The following TDRD5 variants were observed in gnomAD, a reference collection of about 807,000 sequenced individuals.
The protein encoded by TDRD5 is tudor domain-containing protein 5.
TDRD5 carries 41 observed loss-of-function variants against 120.6 expected under a neutral mutation model. The observed-to-expected ratio is 0.34, with a 90% confidence interval of 0.26 to 0.44. The LOEUF is 0.44. Ranked by LOEUF, TDRD5 falls within the 20% of genes least tolerant of loss-of-function variation. TDRD5 has a pLI of 1.00. For missense variants in TDRD5, 1,006 were observed against 1,221.2 expected, an observed-to-expected ratio of 0.82 and a Z score of 2.63; for synonymous variants, 430 against 433.7, an observed-to-expected ratio of 0.99 and a Z score of 0.11.
chr1:179,627,746 TA>T (rs1221238119), intron 6 of TDRD5, among the ~76,000 whole-genome samples: 1 of 152,158 alleles, frequency 6.6e-6, no homozygotes, highest in Admixed American at 6.5e-5. Context: ...TATACGATAC[TA>T]AAAAAACTGA....
In TDRD5 at chr1:179,690,793, G is replaced by A. The variant is rs200779614; in HGVS notation, c.2958G>A (p.Leu986=). 6.2e-6 allele frequency: 10 copies of A among 1,614,242 alleles called. No individual in the cohort carries two copies. The highest frequency in any genetic ancestry group is 2.7e-5 in the African/African-American group (2 of 75,070). The change falls in exon 18 of 18, where the codon CTG becomes CTA. Residue 986 remains leucine, a synonymous_variant. Coordinates refer to ENST00000444136, the MANE Select transcript of TDRD5 (RefSeq NM_001199085.3). ...KDKRQESVDQ[L]SLILSYECQI... is the part of the protein sequence containing the mutation. The stretch of plus-strand genomic sequence containing the variant: ...AGCGTCAAGAATCTGTAGACCAGCT[G>A]TCTTTGATTTTGTCTTATGAGTGCC...
At chr1:179,596,433 AAAC>A (rs1675394259) in intron 4 of TDRD5, among the ~76,000 whole-genome samples, 1 of 152,224 alleles carries the variant, frequency 6.6e-6, no homozygotes. Flanking sequence ...TCAAAATAAA[AAAC>A]AGAACATTTC....
chr1:179,659,521 A>T (rs1276705356), intron 14 of TDRD5, among the ~76,000 whole-genome samples: 1 of 149,368 alleles, frequency 6.7e-6, no homozygotes, highest in Non-Finnish European at 1.5e-5. Context: ...TACATAATGC[A>T]CTGATATCAG....
intron 17 of TDRD5, 63 bp from the exon 18 acceptor site, chr1:179,690,633 G>T (rs1469387211): frequency 6.4e-7 from 1 of 1,563,234 alleles, no homozygotes; most frequent in Non-Finnish European, 8.7e-7. Flanking sequence ...CTAGAATGGG[G>T]GAGAGGAGGC....
chr1:179,654,630 A>G (rs977242554), intron 14 of TDRD5, among the ~76,000 whole-genome samples: 7 of 152,054 alleles, frequency 4.6e-5, no homozygotes, highest in African/African-American at 1.2e-4. Flanking sequence ...TTAGCCAGCC[A>G]TAGTGGCATG....
intron 14 of TDRD5, 57 bp downstream of exon 14, chr1:179,654,419 T>TCA: frequency 7.0e-7 from 1 of 1,431,980 alleles, no homozygotes; most frequent in East Asian, 2.5e-5. Flanking sequence ...ACTGAATTCA[T>TCA]AAGTGAAGAG....
At chr1:179,625,130 CAAA>C (rs1335101585) in intron 6 of TDRD5, among the ~76,000 whole-genome samples, 3 of 120,724 alleles carry the variant, frequency 2.5e-5, no homozygotes, top group African/African-American at 3.0e-5. Flanking sequence ...CAACTGAATA[CAAA>C]AAAAAAAAAA....
chr1:179,684,321 G>T (rs1338058081), intron 17 of TDRD5, among the ~76,000 whole-genome samples: 1 of 152,142 alleles, frequency 6.6e-6, no homozygotes, highest in African/African-American at 2.4e-5. Context: ...CCTTGCAATA[G>T]TTTGCTCAGA....
At chr1:179,615,285 TTTGTTGAA>T (rs2101957218) in intron 4 of TDRD5, among the ~76,000 whole-genome samples, 1 of 152,018 alleles carries the variant, frequency 6.6e-6, no homozygotes, top group South Asian at 2.1e-4. Context: ...TCAATACCTA[TTTGTTGAA>T]TGAGTAAGTG....
chr1:179,596,040 G>A lies in TDRD5; in HGVS notation c.831+222G>A, dbSNP rs551125671. On this transcript the variant is annotated intron_variant, in intron 4 of 17. Coordinates refer to ENST00000444136, the MANE Select transcript of TDRD5 (RefSeq NM_001199085.3). ...AACTCCACAGTTTCCACTATTTTCT[G>A]CAAATGACTCCCAACTCCCAAATCT... Among the ~76,000 whole-genome samples the A allele has an allele frequency of 6.6e-5, 10 of 152,246 alleles. No homozygotes were observed. In the South Asian group the frequency reaches 1.5e-3, roughly 22 times the overall value.
At chr1:179,677,767 A>T (rs1297490232) in intron 17 of TDRD5, among the ~76,000 whole-genome samples, 1 of 152,146 alleles carries the variant, frequency 6.6e-6, no homozygotes, top group African/African-American at 2.4e-5. Context: ...CAGGGAAGTG[A>T]AGTGGACTCT....
intron 4 of TDRD5, among the ~76,000 whole-genome samples, chr1:179,610,762 A>G (rs1676231929): frequency 6.6e-6 from 1 of 152,116 alleles, no homozygotes; most frequent in African/African-American, 2.4e-5. Flanking sequence ...ATTCATTTTA[A>G]TGTTTTTTAA....
At chr1:179,603,623 A>G (rs1196029690) in intron 4 of TDRD5, among the ~76,000 whole-genome samples, 1 of 152,150 alleles carries the variant, frequency 6.6e-6, no homozygotes, top group Non-Finnish European at 1.5e-5. Flanking sequence ...TTCTGCATCT[A>G]TTGAGTTGAT....
At chr1:179,682,062 T>G (rs1289570130) in intron 17 of TDRD5, among the ~76,000 whole-genome samples, 5 of 146,094 alleles carry the variant, frequency 3.4e-5, no homozygotes, top group African/African-American at 1.3e-4. Context: ...TTTAAACAAC[T>G]GTTTTAATAT....
intron 17 of TDRD5, among the ~76,000 whole-genome samples, chr1:179,671,077 A>G (rs901355163): frequency 3.9e-5 from 6 of 152,208 alleles, no homozygotes; most frequent in African/African-American, 9.6e-5. Context: ...CTGAATGTCC[A>G]TTTGTTCCAG....
chr1:179,621,189 T>C, intron 6 of TDRD5, 98 bp downstream of exon 6: 1 of 1,025,880 alleles, frequency 9.7e-7, no homozygotes, highest in Non-Finnish European at 1.4e-6. Context: ...TCCAGGTCTA[T>C]GCTCTAAAAC....
intron 5 of TDRD5, 105 bp downstream of exon 5, chr1:179,618,787 A>G: frequency 2.7e-6 from 2 of 744,652 alleles, no homozygotes; most frequent in South Asian, 3.5e-5. Flanking sequence ...CTAATCTTTA[A>G]TATACTGCAA....
Position 179,676,638 on chromosome 1 carries a change from CTAA to C in TDRD5, c.2860+7239_2860+7241del, listed in dbSNP as rs1680160159. Among the ~76,000 whole-genome samples, 3 of 152,138 alleles carry C rather than the reference CTAA, an allele frequency of 2.0e-5. No individual in the cohort carries two copies. The South Asian group carries it at 6.2e-4, about 32-fold the overall frequency. ...GTTTTGCTGGCTACAAAATTCTTGG[CTAA>C]TAATTGTTTTGTTTAAGGAGGCTAG... On this transcript the variant is annotated intron_variant, in intron 17 of 17. Transcript: ENST00000444136.
At chr1:179,663,238 CT>C in intron 15 of TDRD5, 109 bp from the exon 16 acceptor site, 1 of 1,280,726 alleles carries the variant, frequency 7.8e-7, no homozygotes, top group Non-Finnish European at 1.1e-6. Flanking sequence ...TAATAAATAC[CT>C]TTTTTAAAAA....
Sources: allele counts gnomAD v4.1 joint callset (sites outside exome capture counted in the v4.1 genomes callset), GRCh38; gene constraint gnomAD v4.1.1; transcripts MANE v1.5; gene names NCBI Gene and HGNC (gene_info 2026-07-23, HGNC 2026-07-21).